The following ARHGEF3 variants were observed in gnomAD, a reference collection of about 807,000 sequenced individuals.
ARHGEF3 encodes 59.8 kDA protein.
In ARHGEF3, 28 loss-of-function variants were observed where a neutral mutation model predicts 63.2. That is an observed-to-expected ratio of 0.44 (90% confidence interval 0.33 to 0.61). The LOEUF (loss-of-function observed/expected upper bound fraction) is 0.61, where lower values mean the gene tolerates loss of function less well. Ranked by LOEUF, ARHGEF3 falls within the 20% of genes least tolerant of loss-of-function variation. The pLI is 0.03. For missense variants in ARHGEF3, 533 were observed against 659.3 expected, an observed-to-expected ratio of 0.81 and a Z score of 2.10; for synonymous variants, 266 against 254.2, an observed-to-expected ratio of 1.05 and a Z score of -0.44.
At chr3:57,067,174 A>G (rs1399305544) in intron 1 of ARHGEF3, among the ~76,000 whole-genome samples, 3 of 152,150 alleles carry the variant, frequency 2.0e-5, no homozygotes, top group Non-Finnish European at 4.4e-5. Flanking sequence ...TTTGTCGGCC[A>G]GGCGCGGTGG....
At chr3:56,939,349 A>G (rs996804616) in intron 3 of ARHGEF3, among the ~76,000 whole-genome samples, 1 of 152,212 alleles carries the variant, frequency 6.6e-6, no homozygotes, top group African/African-American at 2.4e-5. Context: ...TTTCAAATAC[A>G]TAAGGCTCTT....
At chr3:56,831,578 C>T (rs1481802210) in intron 4 of ARHGEF3, among the ~76,000 whole-genome samples, 1 of 152,172 alleles carries the variant, frequency 6.6e-6, no homozygotes, top group Non-Finnish European at 1.5e-5. Context: ...ACAATAAAAC[C>T]TTATTTACAA....
At chr3:56,876,421 T>C (rs1018097182) in intron 4 of ARHGEF3, among the ~76,000 whole-genome samples, 2 of 152,142 alleles carry the variant, frequency 1.3e-5, no homozygotes, top group Admixed American at 6.5e-5. Flanking sequence ...GTCATGTTAG[T>C]GAGCTCCAGA....
At chr3:56,775,485 G>A (rs2036239957) in intron 1 of ARHGEF3, 1 of 999,206 alleles carries the variant, frequency 1.0e-6, no homozygotes, top group Non-Finnish European at 1.2e-6. Flanking sequence ...ATGCAACCAG[G>A]CTGCTGGGTA....
chr3:56,755,233 A>G (rs1578420853), intron 2 of ARHGEF3, 82 bp from the exon 3 acceptor site: 1 of 1,433,444 alleles, frequency 7.0e-7, no homozygotes, highest in Non-Finnish European at 9.6e-7. Context: ...TCGTTGACGG[A>G]ACATAAATCA....
intron 1 of ARHGEF3, among the ~76,000 whole-genome samples, chr3:56,793,327 G>A (rs896763596): frequency 7.9e-5 from 12 of 152,166 alleles, no homozygotes; most frequent in African/African-American, 1.7e-4. Context: ...CCGCCACCGC[G>A]CCCGGCTAAT....
At chr3:56,950,608 A>G (rs1161975155) in intron 3 of ARHGEF3, among the ~76,000 whole-genome samples, 1 of 152,096 alleles carries the variant, frequency 6.6e-6, no homozygotes, top group African/African-American at 2.4e-5. Flanking sequence ...TAGAATGGCG[A>G]TCATTAAAAA....
intron 3 of ARHGEF3, among the ~76,000 whole-genome samples, chr3:56,921,542 T>C (rs1471335417): frequency 6.6e-6 from 1 of 152,234 alleles, no homozygotes; most frequent in East Asian, 1.9e-4. Context: ...CATGCACTTT[T>C]ATTGAATGTC....
intron 4 of ARHGEF3, among the ~76,000 whole-genome samples, chr3:56,813,575 T>C (rs1040007878): frequency 6.6e-6 from 1 of 152,250 alleles, no homozygotes; most frequent in African/African-American, 2.4e-5. Context: ...TTGTTACACT[T>C]TACTCCCAGA....
intron 6 of ARHGEF3, among the ~76,000 whole-genome samples, chr3:56,748,415 G>T (rs1273775214): frequency 1.3e-5 from 2 of 152,050 alleles, no homozygotes; most frequent in Non-Finnish European, 2.9e-5. Flanking sequence ...TCTGAAGCTT[G>T]TTCTTGCTTC....
chr3:56,895,038 C>T (rs874404), intron 3 of ARHGEF3, among the ~76,000 whole-genome samples: 30,342 of 152,140 alleles, frequency 0.2, 3,831 homozygotes, highest in Non-Finnish European at 0.28. Context: ...CTAAAGAAGG[C>T]GTACCCTGAA....
intron 3 of ARHGEF3, among the ~76,000 whole-genome samples, chr3:56,931,363 C>A (rs1265421963): frequency 6.6e-6 from 1 of 151,954 alleles, no homozygotes; most frequent in African/African-American, 2.4e-5. Context: ...ATCACTTAAG[C>A]CCAAGAGTTC....
At chr3:56,934,997 C>T (rs1337339924) in intron 3 of ARHGEF3, among the ~76,000 whole-genome samples, 1 of 152,238 alleles carries the variant, frequency 6.6e-6, no homozygotes, top group East Asian at 1.9e-4. Flanking sequence ...AATCAGCACC[C>T]TGTGTCTAGC....
chr3:57,003,401 CAAAAAAAAAAAAA>C (rs60214570), intron 2 of ARHGEF3, among the ~76,000 whole-genome samples: 3 of 43,732 alleles, frequency 6.9e-5, no homozygotes, highest in South Asian at 1.6e-3. Context: ...GACGCCGTCT[CAAAAAAAAAAAAA>C]AAAAAAAAAA....
intron 8 of ARHGEF3, among the ~76,000 whole-genome samples, chr3:56,736,089 A>C (rs992225673): frequency 5.6e-5 from 8 of 142,250 alleles, no homozygotes; most frequent in African/African-American, 1.9e-4. Flanking sequence ...CACACACACA[A>C]ATTTCTACTG....
chr3:57,038,675 C>G (rs1295888604), intron 1 of ARHGEF3, among the ~76,000 whole-genome samples: 2 of 152,106 alleles, frequency 1.3e-5, no homozygotes, highest in Non-Finnish European at 2.9e-5. Context: ...TAATTCCTGG[C>G]CTCAAGCAAT....
At chr3:56,982,607 T>A (rs180873880) in intron 2 of ARHGEF3, among the ~76,000 whole-genome samples, 188 of 152,256 alleles carry the variant, frequency 1.2e-3, no homozygotes, top group African/African-American at 4.5e-3. Context: ...AGGGTGGAGA[T>A]TGTTGTCTAC....
At chr3:57,035,574 C>G (rs1280083637) in intron 1 of ARHGEF3, among the ~76,000 whole-genome samples, 1 of 152,350 alleles carries the variant, frequency 6.6e-6, no homozygotes, top group African/African-American at 2.4e-5. Flanking sequence ...GTCTTAAACT[C>G]CTGACCTCAG....
chr3:56,802,225 A>T (rs2037697917), upstream of ARHGEF3, among the ~76,000 whole-genome samples: 1 of 151,884 alleles, frequency 6.6e-6, no homozygotes, highest in Non-Finnish European at 1.5e-5. Flanking sequence ...GCTCTTTGGC[A>T]CTCTCCGGGT....
Sources: gnomAD v4.1 joint callset for allele counts (sites outside exome capture counted in the v4.1 genomes callset) on GRCh38, gnomAD v4.1.1 for gene constraint, MANE v1.5 for transcripts, NCBI Gene and HGNC (gene_info 2026-07-23, HGNC 2026-07-21) for gene names.